Variants in IL1R1 observed in about 807,000 individuals in gnomAD.
IL1R1 encodes interleukin 1 receptor type 1.
In IL1R1, 22 loss-of-function variants were observed where a neutral mutation model predicts 50.2. That is an observed-to-expected ratio of 0.44 (90% CI 0.31 to 0.63). The LOEUF (loss-of-function observed/expected upper bound fraction) is 0.63, where lower values mean the gene tolerates loss of function less well. Among genes scored for constraint, IL1R1 ranks in the 20% least tolerant of loss-of-function variants. The probability of loss-of-function intolerance (pLI) is 0.07; values close to 1 mark genes in which losing one functional copy is unlikely to be tolerated. For synonymous variants in IL1R1, 251 were observed against 236.7 expected, an observed-to-expected ratio of 1.06 and a Z score of -0.55; for missense variants, 509 against 676.2, an observed-to-expected ratio of 0.75 and a Z score of 2.74.
chr2:102,139,071 A>T (rs544065852), upstream of IL1R1, among the ~76,000 whole-genome samples: 1 of 152,048 alleles, frequency 6.6e-6, no homozygotes, highest in South Asian at 2.1e-4. Context: ...GGATCAATGG[A>T]GTTCTTTGGG....
chr2:102,117,347 A>G (rs1053442573), intron 1 of IL1R1, among the ~76,000 whole-genome samples: 1 of 152,234 alleles, frequency 6.6e-6, no homozygotes, highest in Non-Finnish European at 1.5e-5. Flanking sequence ...AGAAGCTGAC[A>G]GAACACAGCT....
At chr2:102,112,325 T>TGTGG (rs1680814028) in intron 1 of IL1R1, among the ~76,000 whole-genome samples, 2 of 151,304 alleles carry the variant, frequency 1.3e-5, no homozygotes, top group African/African-American at 4.9e-5. Context: ...TGTGTGTGTG[T>TGTGG]GTGTGTGTGT....
intron 1 of IL1R1, among the ~76,000 whole-genome samples, chr2:102,095,787 G>A (rs534783692): frequency 3.9e-5 from 6 of 152,248 alleles, no homozygotes; most frequent in South Asian, 4.1e-4. Context: ...GGCGGATCAT[G>A]AGGTTAGGAG....
At chr2:102,109,949 T>G (rs13019932) in intron 1 of IL1R1, among the ~76,000 whole-genome samples, 42,495 of 152,080 alleles carry the variant, frequency 0.28, 6,831 homozygotes, top group African/African-American at 0.45. Context: ...GAAAAGACTA[T>G]AATTTAAAAT....
intron 1 of IL1R1, among the ~76,000 whole-genome samples, chr2:102,144,248 TG>T (rs1344125854): frequency 3.3e-5 from 5 of 152,220 alleles, no homozygotes; most frequent in Admixed American, 6.5e-5. Flanking sequence ...TGGGGTTTGC[TG>T]GGGCAGGGGT....
rs35381810 is a variant in IL1R1, at chr2:102,174,724, A to T, written c.1129A>T (p.Ile377Leu). 341 of 1,606,280 alleles carry T rather than the reference A, an allele frequency of 2.1e-4. No homozygotes were observed. In the East Asian group the frequency reaches 7.2e-3, roughly 34 times the overall value. The change falls in exon 10 of 12, where the codon ATA becomes TTA. Residue 377 changes from isoleucine to leucine, a missense_variant. By Grantham distance (5) the Ile-to-Leu change is conservative (BLOSUM62 2). Transcript: ENST00000410023. ...GGATTCCTGCTATGATTTTCTCCCAATAAAAGGTATAATTTTGTATTCCAT... is the reference window on the plus strand; with the variant it reads ...GGATTCCTGCTATGATTTTCTCCCATTAAAAGGTATAATTTTGTATTCCAT... ...YRDSCYDFLPIKASDGKTYDA... is the reference protein window; with the variant it reads ...YRDSCYDFLPLKASDGKTYDA...
chr2:102,113,024 A>G (rs980698419), intron 1 of IL1R1, among the ~76,000 whole-genome samples: 8 of 152,220 alleles, frequency 5.3e-5, no homozygotes, highest in African/African-American at 1.9e-4. Flanking sequence ...CAGACACCGG[A>G]TCTGTCAGAA....
chr2:102,073,691 T>C (rs935604761), intron 1 of IL1R1, among the ~76,000 whole-genome samples: 10 of 152,096 alleles, frequency 6.6e-5, no homozygotes, highest in Non-Finnish European at 1.3e-4. Context: ...ATAGATAAAA[T>C]ATTGACTCTT....
At chr2:102,160,457 C>T (rs1684614493) in intron 3 of IL1R1, among the ~76,000 whole-genome samples, 1 of 151,994 alleles carries the variant, frequency 6.6e-6, no homozygotes, top group Non-Finnish European at 1.5e-5. Flanking sequence ...CTGTATCTTA[C>T]CATATTTTGA....
chr2:102,173,389 A>G (rs1047694686), intron 9 of IL1R1, among the ~76,000 whole-genome samples: 1 of 152,246 alleles, frequency 6.6e-6, no homozygotes, highest in Non-Finnish European at 1.5e-5. Context: ...ATAGGCTATT[A>G]TAATTGCGTG....
chr2:102,118,141 T>G (rs914024817), intron 1 of IL1R1, among the ~76,000 whole-genome samples: 6 of 152,164 alleles, frequency 3.9e-5, no homozygotes, highest in African/African-American at 2.4e-5. Context: ...ATTAGAAGCT[T>G]GGGAATTTCA....
At chr2:102,171,975 A>G (rs926263905) in intron 8 of IL1R1, 57 bp downstream of exon 8, 1 of 886,524 alleles carries the variant, frequency 1.1e-6, no homozygotes, top group Non-Finnish European at 1.7e-6. Context: ...GATATTTTAT[A>G]TAACCTTGTC....
chr2:102,162,537 C>T (rs1394213673), intron 3 of IL1R1, among the ~76,000 whole-genome samples: 2 of 147,520 alleles, frequency 1.4e-5, no homozygotes, highest in Non-Finnish European at 3.0e-5. Context: ...TTTTATTTTG[C>T]TTTTTGGCTT....
At chr2:102,097,519 G>A (rs1679957363) in intron 1 of IL1R1, among the ~76,000 whole-genome samples, 1 of 151,670 alleles carries the variant, frequency 6.6e-6, no homozygotes, top group Non-Finnish European at 1.5e-5. Flanking sequence ...AAATATTGAT[G>A]AAAGAAAAAA....
chr2:102,129,321 A>G (rs1345849319), intron 1 of IL1R1, among the ~76,000 whole-genome samples: 7 of 152,202 alleles, frequency 4.6e-5, no homozygotes, highest in Non-Finnish European at 1.0e-4. Flanking sequence ...CTCCTTCCCA[A>G]AGAAAAGTAG....
intron 1 of IL1R1, among the ~76,000 whole-genome samples, chr2:102,096,978 A>T (rs1679932825): frequency 6.6e-6 from 1 of 151,516 alleles, no homozygotes; most frequent in South Asian, 2.1e-4. Context: ...AACAACGTGC[A>T]TTGCCACCTC....
rs972864893 is a variant in IL1R1 at position 102,177,332 on chromosome 2, C to G, written c.*573C>G. On this transcript the variant is annotated 3_prime_UTR_variant, in exon 12 of 12. Transcript: ENST00000410023. Reference sequence around the variant, plus strand: ...CAAGAAAAGGCATGGAGACAGCGAACTAGAAGAAAGGGCAAGAAGGAAATA... The same window carrying G: ...CAAGAAAAGGCATGGAGACAGCGAAGTAGAAGAAAGGGCAAGAAGGAAATA... 1.3e-5 allele frequency: 2 copies of G among 157,214 alleles called. No individual in the cohort carries two copies. Among genetic ancestry groups the G allele is most frequent in the Non-Finnish European group, 2.9e-5 (2 of 69,904 alleles). The allele number at this position is 157,214 out of a possible 1,614,324, so 9.7% of individuals were successfully genotyped here. A position where few individuals can be genotyped will look rare whatever the true frequency, so the allele number is the denominator to read the frequency against.
chr2:102,167,990 CT>C (rs1332775970), intron 6 of IL1R1, among the ~76,000 whole-genome samples: 4 of 151,416 alleles, frequency 2.6e-5, no homozygotes, highest in East Asian at 1.9e-4. Context: ...ATGGTGTTCA[CT>C]TTTTTTTTGA....
At chr2:102,128,751 T>A (rs751554545) in intron 1 of IL1R1, among the ~76,000 whole-genome samples, 4 of 152,184 alleles carry the variant, frequency 2.6e-5, no homozygotes, top group Non-Finnish European at 4.4e-5. Context: ...TTACACACAA[T>A]GGCAGTGGTC....
Sources: gnomAD v4.1 joint callset for allele counts (sites outside exome capture counted in the v4.1 genomes callset) on GRCh38, gnomAD v4.1.1 for gene constraint, MANE v1.5 for transcripts, NCBI Gene and HGNC (gene_info 2026-07-23, HGNC 2026-07-21) for gene names.